The following EEFSEC variants were observed in gnomAD, a reference collection of about 807,000 sequenced individuals.
The protein encoded by EEFSEC is eukaryotic elongation factor, selenocysteine-tRNA specific.
In EEFSEC, 43 loss-of-function variants were observed where a neutral mutation model predicts 42.1. That is an observed-to-expected ratio of 1.02 (90% confidence interval 0.80 to 1.32). The LOEUF is 1.32. EEFSEC is among the 40% of genes most tolerant of loss of function. EEFSEC has a pLI of 0.00. For missense variants in EEFSEC, 745 were observed against 803.6 expected (o/e 0.93, Z 0.88); for synonymous variants, 354 against 339.1 (o/e 1.04, Z -0.48).
At chr3:128,425,490 G>A in the EEFSEC span, among the ~76,000 whole-genome samples, 2 of 152,220 alleles carry the variant, frequency 1.3e-5, no homozygotes, top group Non-Finnish European at 2.9e-5. Context: ...TGTGAGCATC[G>A]GTGCTTCTCT....
intron 1 of EEFSEC, among the ~76,000 whole-genome samples, chr3:128,185,423 A>G (rs755399227): frequency 6.6e-6 from 1 of 151,826 alleles, no homozygotes; most frequent in Admixed American, 6.6e-5. Flanking sequence ...CAACCATATC[A>G]TATTTTTTTA....
At chr3:128,277,981 T>C (rs1422108923) in intron 4 of EEFSEC, among the ~76,000 whole-genome samples, 2 of 152,048 alleles carry the variant, frequency 1.3e-5, no homozygotes, top group Non-Finnish European at 2.9e-5. Context: ...AGGAAGGCAT[T>C]TGGCATCTGG....
intron 1 of EEFSEC, among the ~76,000 whole-genome samples, chr3:128,178,205 G>T (rs2065370731): frequency 6.6e-6 from 1 of 152,078 alleles, no homozygotes; most frequent in South Asian, 2.1e-4. Context: ...CTTTTTAATT[G>T]CCTTAAAAGA....
chr3:128,415,108 C>T, the EEFSEC span, among the ~76,000 whole-genome samples: 5 of 152,016 alleles, frequency 3.3e-5, no homozygotes, highest in Non-Finnish European at 5.9e-5. Flanking sequence ...AACTCAGATA[C>T]CCTTGGGGAA....
intron 1 of EEFSEC, among the ~76,000 whole-genome samples, chr3:128,211,848 CTTTTTTTTTTT>C (rs34885945): frequency 1.9e-4 from 10 of 51,704 alleles, no homozygotes; most frequent in Admixed American, 3.6e-4. Flanking sequence ...TTTTTCTTTT[CTTTTTTTTTTT>C]TTTTTTTTTT....
chr3:128,355,210 G>A (rs1430320839), intron 5 of EEFSEC, among the ~76,000 whole-genome samples: 5 of 152,328 alleles, frequency 3.3e-5, no homozygotes, highest in South Asian at 2.1e-4. Context: ...CTCCCAGTCC[G>A]AGGAGGGAGA....
chr3:128,218,294 C>A (rs1559873104), intron 1 of EEFSEC, among the ~76,000 whole-genome samples: 1 of 152,172 alleles, frequency 6.6e-6, no homozygotes, highest in African/African-American at 2.4e-5. Flanking sequence ...AGAACTACTC[C>A]GGAAACAGCT....
chr3:128,170,425 G>GGTGAGCACC (rs6148064), intron 1 of EEFSEC, among the ~76,000 whole-genome samples: 1 of 151,680 alleles, frequency 6.6e-6, no homozygotes, highest in Admixed American at 6.6e-5. Flanking sequence ...AGCCATGCGT[G>GGTGAGCACC]TGTAATCCCA....
At chr3:128,276,497 C>T (rs2066469719) in intron 4 of EEFSEC, among the ~76,000 whole-genome samples, 1 of 152,194 alleles carries the variant, frequency 6.6e-6, no homozygotes. Flanking sequence ...CCTCAGCTTC[C>T]TTATCCGCAA....
chr3:128,220,741 C>T (rs757316927), intron 1 of EEFSEC, among the ~76,000 whole-genome samples: 1 of 152,152 alleles, frequency 6.6e-6, no homozygotes, highest in African/African-American at 2.4e-5. Flanking sequence ...TCAGATCAGG[C>T]GAGAAAGGGC....
chr3:128,237,972 T>A (rs541289048), intron 1 of EEFSEC, among the ~76,000 whole-genome samples: 136 of 152,328 alleles, frequency 8.9e-4, no homozygotes, highest in African/African-American at 3.2e-3. Context: ...AATGCATGAT[T>A]CTGGCCAAGA....
chr3:128,248,082 TGTG>T (rs771176071), intron 2 of EEFSEC, among the ~76,000 whole-genome samples: 10 of 152,190 alleles, frequency 6.6e-5, no homozygotes, highest in Admixed American at 1.3e-4. Flanking sequence ...CTAATTCTGA[TGTG>T]GTCAAGAAAA....
At chr3:128,349,053 A>T (rs1160161414) in intron 5 of EEFSEC, among the ~76,000 whole-genome samples, 1 of 152,210 alleles carries the variant, frequency 6.6e-6, no homozygotes, top group East Asian at 1.9e-4. Context: ...CACTGCACAG[A>T]CACTAGGGGC....
chr3:128,190,168 T>C (rs1021422815), intron 1 of EEFSEC, among the ~76,000 whole-genome samples: 28 of 152,236 alleles, frequency 1.8e-4, no homozygotes, highest in African/African-American at 6.8e-4. Flanking sequence ...CAGCCGCTCC[T>C]TCTACTTCTA....
chr3:128,328,565 A>C (rs1445961340), intron 4 of EEFSEC, among the ~76,000 whole-genome samples: 1 of 152,228 alleles, frequency 6.6e-6, no homozygotes, highest in Non-Finnish European at 1.5e-5. Context: ...TGTAAGGCTA[A>C]AGTTGTAATA....
chr3:128,166,715 C>T (rs1576511903), intron 1 of EEFSEC, among the ~76,000 whole-genome samples: 3 of 151,994 alleles, frequency 2.0e-5, no homozygotes, highest in Admixed American at 2.0e-4. Flanking sequence ...TCCCAAGGTG[C>T]GGCCCTTGAA....
At chr3:128,250,457 T>C (rs1053708292) in intron 2 of EEFSEC, among the ~76,000 whole-genome samples, 1 of 152,182 alleles carries the variant, frequency 6.6e-6, no homozygotes, top group Non-Finnish European at 1.5e-5. Flanking sequence ...TTCACCTTCA[T>C]TATTTTGCAT....
At position 128,348,414 on chromosome 3, in the gene EEFSEC, A is replaced by G. The variant is rs536341065; in HGVS notation, c.1443+6525A>G. 6.6e-4 allele frequency among the ~76,000 whole-genome samples: 100 copies of G among 152,154 alleles called. 2 individuals carry two copies. The highest frequency in any genetic ancestry group is 2.1e-3 in the African/African-American group (89 of 41,508). ...TAGTAATAAAATTTTTCTCTTTTTC[A>G]GTGTTCTTTCAATCTTTTGATTACT... On this transcript the variant is annotated intron_variant, in intron 5 of 6. Coordinates refer to ENST00000254730, the MANE Select transcript of EEFSEC (RefSeq NM_021937.5).
intron 5 of EEFSEC, among the ~76,000 whole-genome samples, chr3:128,347,648 A>G (rs2067328966): frequency 2.0e-5 from 3 of 152,256 alleles, no homozygotes; most frequent in Admixed American, 1.3e-4. Context: ...CAGTCATTAC[A>G]CTAAATGTGA....
Sources: allele counts gnomAD v4.1 joint callset (sites outside exome capture counted in the v4.1 genomes callset), GRCh38; gene constraint gnomAD v4.1.1; transcripts MANE v1.5; gene names NCBI Gene and HGNC (gene_info 2026-07-23, HGNC 2026-07-21).